The following MUSK variants were observed in gnomAD, a reference collection of about 807,000 sequenced individuals.
MUSK encodes muscle associated receptor tyrosine kinase, also known as muscle, skeletal receptor tyrosine-protein kinase.
Under a neutral mutation model 88.7 loss-of-function variants are expected in MUSK, and 55 were observed. That is an observed-to-expected ratio of 0.62 (90% CI 0.50 to 0.78). The LOEUF (loss-of-function observed/expected upper bound fraction) is 0.78, where lower values mean the gene tolerates loss of function less well. MUSK is among the 30% of genes least tolerant of loss of function. The probability of loss-of-function intolerance (pLI) is 0.00; values close to 1 mark genes in which losing one functional copy is unlikely to be tolerated. For synonymous variants in MUSK, 387 were observed against 391.9 expected, an observed-to-expected ratio of 0.99 and a Z score of 0.15; for missense variants, 1,015 against 1,074.3, an observed-to-expected ratio of 0.94 and a Z score of 0.77.
intron 5 of MUSK, among the ~76,000 whole-genome samples, chr9:110,733,650 G>T (rs1259780079): frequency 6.6e-6 from 1 of 151,798 alleles, no homozygotes; most frequent in Non-Finnish European, 1.5e-5. Flanking sequence ...TACAGTTGAG[G>T]GTGTAAAGTG....
At position 110,682,705 on chromosome 9, in the gene MUSK, G is replaced by A. The variant is rs771663365; in HGVS notation, c.111G>A (p.Val37=). ...APVITTPLET[V]DALVEEVATF... is the part of the protein sequence containing the mutation. The stretch of plus-strand genomic sequence containing the variant: ...TCATCACCACTCCTCTTGAAACAGT[G>A]GATGCCTTAGTTGAAGAAGTGGCTA... The change falls in exon 2 of 15, where the codon GTG becomes GTA. Residue 37 remains valine, a synonymous_variant. Coordinates refer to ENST00000374448, the MANE Select transcript of MUSK (RefSeq NM_005592.4). 6.2e-7 allele frequency: 1 copy of A among 1,612,676 alleles called. No individual in the cohort carries two copies. The highest frequency in any genetic ancestry group is 1.1e-5 in the South Asian group (1 of 90,982).
chr9:110,726,386 A>C (rs1307443348), intron 5 of MUSK, among the ~76,000 whole-genome samples: 2 of 152,042 alleles, frequency 1.3e-5, no homozygotes, highest in Admixed American at 6.6e-5. Context: ...AAACTGAAAA[A>C]TTTCAAAGGA....
chr9:110,680,763 T>C (rs1430458625), intron 1 of MUSK, among the ~76,000 whole-genome samples: 1 of 150,368 alleles, frequency 6.7e-6, no homozygotes, highest in African/African-American at 2.4e-5. Context: ...TTTTCAGTTT[T>C]GAAAAATTAT....
At chr9:110,712,622 C>T (rs2076686760) in intron 5 of MUSK, among the ~76,000 whole-genome samples, 1 of 152,136 alleles carries the variant, frequency 6.6e-6, no homozygotes, top group Non-Finnish European at 1.5e-5. Context: ...ATCCTTAATG[C>T]AGTGACCCAT....
intron 7 of MUSK, chr9:110,761,819 C>T (rs2077405944): frequency 4.3e-6 from 2 of 463,400 alleles, no homozygotes; most frequent in African/African-American, 4.3e-5. Flanking sequence ...CATGATCCGC[C>T]CACCTCGGCC....
intron 5 of MUSK, among the ~76,000 whole-genome samples, chr9:110,723,997 C>T (rs1157918817): frequency 6.6e-6 from 1 of 151,982 alleles, no homozygotes; most frequent in African/African-American, 2.4e-5. Context: ...TCTCTGGCCT[C>T]AGGGCTGTAT....
chr9:110,705,040 C>T (rs1323844358), intron 5 of MUSK, among the ~76,000 whole-genome samples: 2 of 150,520 alleles, frequency 1.3e-5, no homozygotes, highest in Admixed American at 6.6e-5. Context: ...CTATTTTATA[C>T]TTTATGTAGG....
intron 5 of MUSK, among the ~76,000 whole-genome samples, chr9:110,701,695 T>G (rs547642183): frequency 0.022 from 5 of 228 alleles, no homozygotes; most frequent in East Asian, 0.083. Context: ...CTTTACTTTA[T>G]TTTATTTTAT....
At chr9:110,782,434 T>TA (rs1327508083) in intron 11 of MUSK, among the ~76,000 whole-genome samples, 2 of 152,180 alleles carry the variant, frequency 1.3e-5, no homozygotes, top group Non-Finnish European at 2.9e-5. Flanking sequence ...TCTTGCATTT[T>TA]AAAAAAACTC....
At chr9:110,761,535 T>A in intron 7 of MUSK, among the ~76,000 whole-genome samples, 1 of 151,440 alleles carries the variant, frequency 6.6e-6, no homozygotes, top group East Asian at 1.9e-4. Context: ...AAGTCTGCTT[T>A]ATGCATCTTC....
At chr9:110,765,532 A>C (rs2077467213) in intron 8 of MUSK, among the ~76,000 whole-genome samples, 1 of 152,086 alleles carries the variant, frequency 6.6e-6, no homozygotes, top group Admixed American at 6.5e-5. Context: ...ACAGTTTTAC[A>C]TAACATGGGA....
chr9:110,705,123 A>G (rs1174645145), intron 5 of MUSK, among the ~76,000 whole-genome samples: 3 of 151,870 alleles, frequency 2.0e-5, no homozygotes, highest in Non-Finnish European at 4.4e-5. Context: ...TATGCTTTGG[A>G]AAAAAAACAC....
Position 110,762,200 on chromosome 9 carries a change from A to G in MUSK, c.914-2A>G. On this transcript the variant is annotated splice_acceptor_variant, in intron 7 of 14. Coordinates refer to ENST00000374448, the MANE Select transcript of MUSK (RefSeq NM_005592.4). LOFTEE classifies it high-confidence loss of function. Reference sequence around the variant, plus strand: ...TGTGGGAACTTCCTTTCCTGTTAATAGAATGGAGGTAAGAAACTGTTATTG... The same window carrying G: ...TGTGGGAACTTCCTTTCCTGTTAATGGAATGGAGGTAAGAAACTGTTATTG... 1 of 1,442,388 alleles carries G rather than the reference A, an allele frequency of 6.9e-7. No individual in the cohort carries two copies. The highest frequency in any genetic ancestry group is 9.1e-7 in the Non-Finnish European group (1 of 1,093,558). The allele number at this position is 1,442,388 out of a possible 1,614,324, so 89.3% of individuals were successfully genotyped here.
intron 1 of MUSK, among the ~76,000 whole-genome samples, chr9:110,680,708 T>C (rs1365359572): frequency 6.6e-6 from 1 of 151,532 alleles, no homozygotes; most frequent in Non-Finnish European, 1.5e-5. Flanking sequence ...TAAATCTGTC[T>C]TGTCATTTGG....
chr9:110,686,037 T>C (rs2076191928), intron 2 of MUSK, among the ~76,000 whole-genome samples: 1 of 152,112 alleles, frequency 6.6e-6, no homozygotes, highest in African/African-American at 2.4e-5. Context: ...ACGTACTATG[T>C]TACAGTTCTG....
At chr9:110,712,598 C>T (rs557579200) in intron 5 of MUSK, among the ~76,000 whole-genome samples, 3 of 152,252 alleles carry the variant, frequency 2.0e-5, no homozygotes, top group African/African-American at 7.2e-5. Context: ...TGCTTTTTAA[C>T]AACACCCCAA....
chr9:110,749,728 A>G (rs1369387803), intron 7 of MUSK, among the ~76,000 whole-genome samples: 1 of 152,188 alleles, frequency 6.6e-6, no homozygotes, highest in Non-Finnish European at 1.5e-5. Context: ...CATTGGTTCA[A>G]AGGGAAGAGG....
chr9:110,695,441 A>G lies in MUSK; in HGVS notation c.397A>G (p.Ile133Val), dbSNP rs570136508. 74 of 1,540,348 alleles carry G rather than the reference A, an allele frequency of 4.8e-5. No individual in the cohort carries two copies. The East Asian group carries it at 9.1e-4, about 19-fold the overall frequency. ...ITRPPINVKI[I>V]EGLKAVLPCT... ...TCGTCCTCCCATAAATGTGAAAATA[A>G]TAGAGGGATTAAAAGCAGTCCTACC... Residue 133 changes from isoleucine to valine, a missense_variant, in exon 4 of 15, where the codon ATA becomes GTA. Transcript: ENST00000374448.
At chr9:110,735,405 T>C (rs1260134142) in intron 6 of MUSK, among the ~76,000 whole-genome samples, 1 of 152,092 alleles carries the variant, frequency 6.6e-6, no homozygotes, top group Admixed American at 6.5e-5. Flanking sequence ...ATCCTGTTAT[T>C]TGCAACAACA....
Sources: gnomAD v4.1 joint callset for allele counts (sites outside exome capture counted in the v4.1 genomes callset) on GRCh38, gnomAD v4.1.1 for gene constraint, MANE v1.5 for transcripts, NCBI Gene and HGNC (gene_info 2026-07-23, HGNC 2026-07-21) for gene names.